CAPZA2: variants seen among roughly 807,000 people sequenced by gnomAD.
CAPZA2 encodes F-actin-capping protein subunit alpha-2.
In CAPZA2, 13 loss-of-function variants were observed where a neutral mutation model predicts 44.0. The ratio of observed to expected loss-of-function variants is 0.30; its 90% CI spans 0.19 to 0.47. The LOEUF (loss-of-function observed/expected upper bound fraction) is 0.47. CAPZA2 is among the 20% of genes least tolerant of loss of function. The pLI, the probability that CAPZA2 is intolerant of heterozygous loss-of-function variation, is 1.00. For missense variants in CAPZA2, 244 were observed against 338.6 expected (o/e 0.72, Z 2.19); for synonymous variants, 94 against 108.2 (o/e 0.87, Z 0.81).
At chr7:116,903,233 AGTGTGT>A (rs71148342) in intron 4 of CAPZA2, among the ~76,000 whole-genome samples, 1,508 of 146,396 alleles carry the variant, frequency 0.01, 12 homozygotes, top group African/African-American at 0.015. Context: ...TGCAGAGAAG[AGTGTGT>A]GTGTGTGTGT....
At chr7:116,865,474 C>T (rs887431273) in intron 1 of CAPZA2, among the ~76,000 whole-genome samples, 1 of 152,098 alleles carries the variant, frequency 6.6e-6, no homozygotes, top group African/African-American at 2.4e-5. Context: ...GCGTGAGCCA[C>T]CATGCCCAGC....
chr7:116,885,689 A>T (rs547326144), intron 1 of CAPZA2, among the ~76,000 whole-genome samples: 1 of 152,198 alleles, frequency 6.6e-6, no homozygotes, highest in South Asian at 2.1e-4. Context: ...GCTTACTTAC[A>T]TTTACCAGTT....
At position 116,918,995 on chromosome 7, in the gene CAPZA2, C is replaced by T. The variant is rs1445038312; in HGVS notation, c.*1128C>T. ...AGGGAGTGAAGTGGAGTTATGGTTT[C>T]ATTCAATAGAGTATTGCTGATTATA... On this transcript the variant is annotated 3_prime_UTR_variant, in exon 10 of 10. Transcript: ENST00000361183. The T allele has an allele frequency of 6.6e-6, 1 of 151,954 alleles. No homozygotes were observed. Among genetic ancestry groups the T allele is most frequent in the Non-Finnish European group, 1.5e-5 (1 of 67,994 alleles). 9.4% of individuals were successfully genotyped at this position (151,954 alleles called of 1,614,324 possible).
At chr7:116,913,898 C>T (rs892133933) in intron 8 of CAPZA2, among the ~76,000 whole-genome samples, 1 of 150,634 alleles carries the variant, frequency 6.6e-6, no homozygotes, top group African/African-American at 2.4e-5. Context: ...GGTTTTTTTG[C>T]CCCATGGATA....
At chr7:116,898,016 A>G (rs1450629655) in intron 3 of CAPZA2, among the ~76,000 whole-genome samples, 2 of 152,090 alleles carry the variant, frequency 1.3e-5, no homozygotes, top group Non-Finnish European at 2.9e-5. Flanking sequence ...CTTTCAGTTC[A>G]TTTCAGTAAG....
At chr7:116,891,871 A>G (rs1796850557) in intron 2 of CAPZA2, among the ~76,000 whole-genome samples, 1 of 152,192 alleles carries the variant, frequency 6.6e-6, no homozygotes, top group East Asian at 1.9e-4. Flanking sequence ...GTGAATAGGC[A>G]GTGGGTTTTT....
In CAPZA2 at chr7:116,919,400, T is replaced by G. The variant is rs1791732602; in HGVS notation, c.*1533T>G. On this transcript the variant is annotated 3_prime_UTR_variant, in exon 10 of 10. Coordinates refer to ENST00000361183, the MANE Select transcript of CAPZA2 (RefSeq NM_006136.3). The stretch of plus-strand genomic sequence containing the variant: ...ATTTGAAAGTTTGATGATGGTGAAC[T>G]AAATACTAGATCTAATTGACAAGCT... The G allele has an allele frequency of 6.6e-6, 1 of 152,362 alleles. No homozygotes were observed. The highest frequency in any genetic ancestry group is 2.4e-5 in the African/African-American group (1 of 41,428). 9.4% of individuals were successfully genotyped at this position (152,362 alleles called of 1,614,324 possible).
intron 2 of CAPZA2, among the ~76,000 whole-genome samples, chr7:116,890,448 A>G (rs1796816434): frequency 1.4e-5 from 2 of 147,266 alleles, no homozygotes; most frequent in African/African-American, 5.0e-5. Flanking sequence ...AGCCCGGTGG[A>G]TCACCTGAGA....
chr7:116,910,990 CAAAAAAAAAAAA>C (rs57772383), intron 7 of CAPZA2, among the ~76,000 whole-genome samples: 6 of 50,608 alleles, frequency 1.2e-4, no homozygotes, highest in Non-Finnish European at 2.4e-4. Flanking sequence ...GACTCCGTCT[CAAAAAAAAAAAA>C]AAAAAAAAAA....
chr7:116,888,124 C>T lies in CAPZA2; in HGVS notation c.40-3C>T. 1 of 1,603,660 alleles carries T rather than the reference C, an allele frequency of 6.2e-7. No individual in the cohort carries two copies. The highest frequency in any genetic ancestry group is 8.5e-7 in the Non-Finnish European group (1 of 1,173,092). Reference sequence around the variant, plus strand: ...AACATTTATATCTTTCTTTCTGTTTCAGGTGCGTATAGCAGCAAAATTCAT... The same window carrying T: ...AACATTTATATCTTTCTTTCTGTTTTAGGTGCGTATAGCAGCAAAATTCAT... On this transcript the variant is annotated splice_polypyrimidine_tract_variant and splice_region_variant and intron_variant, in intron 1 of 9. Coordinates refer to ENST00000361183, the MANE Select transcript of CAPZA2 (RefSeq NM_006136.3).
intron 1 of CAPZA2, chr7:116,875,766 G>C (rs771621102): frequency 6.6e-6 from 1 of 151,370 alleles, no homozygotes; most frequent in Non-Finnish European, 1.5e-5. Context: ...TGTTGACCAG[G>C]CTGGACTCAA....
rs2115935190 is a variant in CAPZA2 at position 116,893,905 on chromosome 7, C to A, written c.155+860C>A. ...TGCAATTTCAGAGAAATAATTGATTCTCTCCCTACTTCTCCCAAAATAAGG... is the reference window on the plus strand; with the variant it reads ...TGCAATTTCAGAGAAATAATTGATTATCTCCCTACTTCTCCCAAAATAAGG... On this transcript the variant is annotated intron_variant, in intron 3 of 9. Coordinates refer to ENST00000361183, the MANE Select transcript of CAPZA2 (RefSeq NM_006136.3). 1.3e-5 allele frequency among the ~76,000 whole-genome samples: 2 copies of A among 152,328 alleles called. 1 individual carries two copies. The highest frequency in any genetic ancestry group is 4.1e-4 in the South Asian group (2 of 4,832).
At position 116,890,573 on chromosome 7, in the gene CAPZA2, TATATATATATATATATATATATATAC is replaced by T. The variant is rs1562960014; in HGVS notation, c.103+2385_104-2394del. ...ATATATATATATATATATATACACA[TATATATATATATATATATATATATAC>T]ACACACACACACACATATATACAAA... On this transcript the variant is annotated intron_variant, in intron 2 of 9. Coordinates refer to ENST00000361183, the MANE Select transcript of CAPZA2 (RefSeq NM_006136.3). Among the ~76,000 whole-genome samples the T allele has an allele frequency of 2.2e-3, 43 of 19,678 alleles. 1 individual carries two copies. The highest frequency in any genetic ancestry group is 6.7e-3 in the African/African-American group (19 of 2,846). 12.9% of individuals were successfully genotyped at this position (19,678 alleles called of 152,430 possible).
chr7:116,879,124 CAAAAAAAAAAA>C (rs71148337), intron 1 of CAPZA2, among the ~76,000 whole-genome samples: 4 of 45,312 alleles, frequency 8.8e-5, no homozygotes, highest in South Asian at 2.1e-3. Context: ...AACTCTGTCT[CAAAAAAAAAAA>C]AAAAAAAAAA....
chr7:116,913,815 A>G (rs1019518834), intron 8 of CAPZA2, among the ~76,000 whole-genome samples: 12 of 120,630 alleles, frequency 9.9e-5, no homozygotes, highest in Admixed American at 2.0e-4. Context: ...GGGTTTCACC[A>G]TGTTGCCCAG....
chr7:116,902,634 C>T (rs1488392969), intron 4 of CAPZA2, among the ~76,000 whole-genome samples: 1 of 152,130 alleles, frequency 6.6e-6, no homozygotes, highest in East Asian at 1.9e-4. Context: ...CCTGATGTCC[C>T]TACCACCACT....
chr7:116,916,412 C>G (rs890868861), intron 9 of CAPZA2, among the ~76,000 whole-genome samples: 3 of 152,208 alleles, frequency 2.0e-5, no homozygotes, highest in Non-Finnish European at 2.9e-5. Flanking sequence ...ATCACGAGGT[C>G]AAGAGATCAA....
At chr7:116,865,601 A>G (rs201753146) in intron 1 of CAPZA2, among the ~76,000 whole-genome samples, 2 of 151,744 alleles carry the variant, frequency 1.3e-5, no homozygotes, top group East Asian at 3.9e-4. Flanking sequence ...TTCCTTAGAC[A>G]GGGTCTCACT....
rs1453043621 is a variant in CAPZA2 at position 116,922,020 on chromosome 7, T to C, written c.*4153T>C. The C allele has an allele frequency of 1.3e-5, 2 of 152,178 alleles. No individual in the cohort carries two copies. The highest frequency in any genetic ancestry group is 3.9e-4 in the East Asian group (2 of 5,194). The allele number at this position is 152,178 out of a possible 1,614,324, so 9.4% of individuals were successfully genotyped here. On this transcript the variant is annotated 3_prime_UTR_variant, in exon 10 of 10. Transcript: ENST00000361183. ...GGGATTTTGGAAACTAAAATAGTAG[T>C]AAGAGCATTAAAAAAAAGATGTCCT...
Sources: allele counts gnomAD v4.1 joint callset (sites outside exome capture counted in the v4.1 genomes callset), GRCh38; gene constraint gnomAD v4.1.1; transcripts MANE v1.5; gene names NCBI Gene and HGNC (gene_info 2026-07-23, HGNC 2026-07-21).